GGT7: variants seen among roughly 807,000 people sequenced by gnomAD.
The protein encoded by GGT7 is glutathione hydrolase 7.
A neutral mutation model predicts 69.2 loss-of-function variants in GGT7; 30 were observed. The observed-to-expected ratio is 0.43, with a 90% CI of 0.32 to 0.59. The LOEUF (loss-of-function observed/expected upper bound fraction) is 0.59. Among genes scored for constraint, GGT7 ranks in the 20% least tolerant of loss-of-function variants. The pLI, the probability that GGT7 is intolerant of heterozygous loss-of-function variation, is 0.05. For missense variants in GGT7, 733 were observed against 901.1 expected (o/e 0.81, Z 2.39); for synonymous variants, 388 against 391.8 (o/e 0.99, Z 0.12).
chr20:34,849,820 T>G, intron 14 of GGT7, 141 bp downstream of exon 14: 2 of 578,760 alleles, frequency 3.5e-6, no homozygotes, highest in Non-Finnish European at 3.1e-6. Flanking sequence ...CCCAGATCGT[T>G]CACTGCTCCA....
chr20:34,858,191 G>A (rs1462263871), intron 7 of GGT7, among the ~76,000 whole-genome samples: 1 of 152,190 alleles, frequency 6.6e-6, no homozygotes, highest in Non-Finnish European at 1.5e-5. Context: ...CTCTTTCTCT[G>A]GGATAGCTTG....
At chr20:34,866,001 T>C (rs759720521) in intron 1 of GGT7, among the ~76,000 whole-genome samples, 1 of 152,256 alleles carries the variant, frequency 6.6e-6, no homozygotes, top group Non-Finnish European at 1.5e-5. Context: ...GTGATAATAT[T>C]AAAAACTGAC....
intron 1 of GGT7, among the ~76,000 whole-genome samples, chr20:34,864,888 T>A (rs1030763419): frequency 2.0e-5 from 3 of 151,452 alleles, no homozygotes; most frequent in Non-Finnish European, 4.4e-5. Context: ...AATGGCACAA[T>A]CCTGGCTCAC....
Position 34,845,272 on chromosome 20 carries a change from G to T in GGT7, c.*56C>A. On this transcript the variant is annotated 3_prime_UTR_variant, in exon 15 of 15. Transcript: ENST00000336431. ...CCTGAGACCAAACCTGGGAGAAGGA[G>T]GGACTCTGGGAACATGCAAAGTGGG... The T allele has an allele frequency of 6.6e-7, 1 of 1,522,354 alleles. No individual in the cohort carries two copies. Among genetic ancestry groups the T allele is most frequent in the South Asian group, 1.2e-5 (1 of 83,304 alleles). The allele number at this position is 1,522,354 out of a possible 1,614,324, so 94.3% of individuals were successfully genotyped here. A position where few individuals can be genotyped will look rare whatever the true frequency, so the allele number is the denominator to read the frequency against.
In GGT7 at chr20:34,845,800, C is replaced by T. The variant is rs375003187; in HGVS notation, c.1826-309G>A. 2.1e-3 allele frequency among the ~76,000 whole-genome samples: 313 copies of T among 152,262 alleles called. 4 individuals carry two copies. The highest frequency in any genetic ancestry group is 6.9e-3 in the African/African-American group (288 of 41,544). The stretch of plus-strand genomic sequence containing the variant: ...ACAGGCCGGGTGCAGTGGCTCATGC[C>T]TGTAATCCCAGCACTTTGGGAGGCT... On this transcript the variant is annotated intron_variant, in intron 14 of 14. Coordinates refer to ENST00000336431, the MANE Select transcript of GGT7 (RefSeq NM_178026.3).
At chr20:34,872,350 C>T (rs745823271) in intron 1 of GGT7, 7 of 269,014 alleles carry the variant, frequency 2.6e-5, no homozygotes, top group Non-Finnish European at 4.2e-5. Context: ...CACAGCGGTT[C>T]CTTAGGATCT....
At chr20:34,856,409 G>A (rs183779219) in intron 8 of GGT7, among the ~76,000 whole-genome samples, 65 of 152,282 alleles carry the variant, frequency 4.3e-4, no homozygotes, top group South Asian at 2.9e-3. Context: ...CTGGGTCTAT[G>A]ACTGTCTTGA....
intron 1 of GGT7, among the ~76,000 whole-genome samples, chr20:34,865,104 G>A (rs948692027): frequency 1.3e-5 from 2 of 151,976 alleles, no homozygotes; most frequent in Non-Finnish European, 2.9e-5. Context: ...TTACAGGTGT[G>A]AGCCACCGCA....
At chr20:34,861,387 GC>G in intron 4 of GGT7, 57 bp downstream of exon 4, 1 of 771,972 alleles carries the variant, frequency 1.3e-6, no homozygotes, top group Non-Finnish European at 2.1e-6. Flanking sequence ...GCTTGGGTTA[GC>G]AGAAGGGCAA....
chr20:34,868,783 C>A (rs558309294), intron 1 of GGT7, among the ~76,000 whole-genome samples: 1 of 152,322 alleles, frequency 6.6e-6, no homozygotes, highest in East Asian at 1.9e-4. Context: ...TTCTATTACA[C>A]TTAAGTTGCT....
At chr20:34,868,540 G>A (rs949347630) in intron 1 of GGT7, among the ~76,000 whole-genome samples, 1 of 152,004 alleles carries the variant, frequency 6.6e-6, no homozygotes, top group Non-Finnish European at 1.5e-5. Context: ...TTACCTTCAG[G>A]GCTCATCCCT....
At chr20:34,854,381 G>C in intron 10 of GGT7, 150 bp downstream of exon 10, 1 of 607,656 alleles carries the variant, frequency 1.6e-6, no homozygotes. Flanking sequence ...GGTGCAGGGA[G>C]AGGCACCCAG....
At chr20:34,859,062 C>T (rs1316183978) in intron 7 of GGT7, among the ~76,000 whole-genome samples, 9 of 151,870 alleles carry the variant, frequency 5.9e-5, no homozygotes, top group African/African-American at 1.2e-4. Context: ...CCCAGTTACT[C>T]GGGAGGCTGA....
Position 34,852,539 on chromosome 20 carries a change from C to T in GGT7, c.1320-1G>A. On this transcript the variant is annotated splice_acceptor_variant, in intron 10 of 14. Transcript: ENST00000336431. LOFTEE classifies it high-confidence loss of function. ...CCGGAGGTAGGCGGCCTCCACCTTG[C>T]TGAAAAGACAAGGGGTGGGAGATGA... 1 of 1,574,692 alleles carries T rather than the reference C, an allele frequency of 6.4e-7. No homozygotes were observed. Among genetic ancestry groups the T allele is most frequent in the Non-Finnish European group, 8.6e-7 (1 of 1,161,556 alleles).
chr20:34,848,229 A>C (rs1405425132), intron 14 of GGT7, among the ~76,000 whole-genome samples: 2 of 152,240 alleles, frequency 1.3e-5, no homozygotes, highest in Non-Finnish European at 2.9e-5. Flanking sequence ...TCTAGGAAAC[A>C]ACAGCTAGCC....
At chr20:34,854,036 A>G (rs2079444186) in intron 10 of GGT7, among the ~76,000 whole-genome samples, 1 of 152,184 alleles carries the variant, frequency 6.6e-6, no homozygotes, top group South Asian at 2.1e-4. Flanking sequence ...TCCCGGGTTC[A>G]AGTGATTCTC....
chr20:34,852,335 C>G, intron 11 of GGT7, 54 bp downstream of exon 11: 1 of 1,608,642 alleles, frequency 6.2e-7, no homozygotes, highest in South Asian at 1.1e-5. Context: ...AGCCCCCACC[C>G]CCTCTTGGTT....
intron 8 of GGT7, among the ~76,000 whole-genome samples, chr20:34,855,173 C>T (rs1024003672): frequency 6.6e-6 from 1 of 152,182 alleles, no homozygotes; most frequent in Admixed American, 6.5e-5. Flanking sequence ...AACTAAGGCT[C>T]AAGAGGGCTG....
At position 34,863,597 on chromosome 20, in the gene GGT7, G is replaced by A. The variant is rs1203019494; in HGVS notation, c.170-49C>T. The A allele has an allele frequency of 3.9e-6, 5 of 1,269,466 alleles. No individual in the cohort carries two copies. The highest frequency in any genetic ancestry group is 5.6e-6 in the Non-Finnish European group (5 of 891,204). The allele number at this position is 1,269,466 out of a possible 1,614,324, so 78.6% of individuals were successfully genotyped here. On this transcript the variant is annotated intron_variant, in intron 1 of 14. Transcript: ENST00000336431. The surrounding 1 kb of genome is among the most constrained non-coding windows in gnomAD (Gnocchi z 4.4). ...GTCTGGGCATCTCCTATCTGGCCCT[G>A]CCCACCCTCCAGGTGGGACTATTCA...
Sources: allele counts gnomAD v4.1 joint callset (sites outside exome capture counted in the v4.1 genomes callset), GRCh38; gene constraint gnomAD v4.1.1; non-coding constraint Gnocchi (gnomAD v3.1); transcripts MANE v1.5; gene names NCBI Gene and HGNC (gene_info 2026-07-23, HGNC 2026-07-21).